Variants in C8orf89 observed in about 807,000 individuals in gnomAD.
The protein encoded by C8orf89 is chromosome 8 open reading frame 89, also known as putative uncharacterized protein C8orf89.
Under a neutral mutation model 15.8 loss-of-function variants are expected in C8orf89, and 14 were observed. That is an observed-to-expected ratio of 0.89 (90% CI 0.59 to 1.39). C8orf89 has a LOEUF of 1.39. C8orf89 is among the 40% of genes most tolerant of loss of function. The pLI is 0.00. For synonymous variants in C8orf89, 55 were observed against 62.2 expected (o/e 0.88, Z 0.54); for missense variants, 181 against 184.5 (o/e 0.98, Z 0.11).
At chr8:73,265,579 C>T in the C8orf89 span, among the ~76,000 whole-genome samples, 1,421 of 152,278 alleles carry the variant, frequency 9.3e-3, 15 homozygotes, top group African/African-American at 0.032. Flanking sequence ...GGCAATGACA[C>T]AGAGGTATCA....
At chr8:73,273,645 G>T in the C8orf89 span, among the ~76,000 whole-genome samples, 2 of 152,146 alleles carry the variant, frequency 1.3e-5, no homozygotes, top group Non-Finnish European at 2.9e-5. Context: ...GTGGAAAGAG[G>T]CGGTCCCCAG....
the C8orf89 span, among the ~76,000 whole-genome samples, chr8:73,272,686 T>G: frequency 2.6e-5 from 4 of 152,014 alleles, no homozygotes; most frequent in Non-Finnish European, 4.4e-5. Flanking sequence ...TTCCCACCTA[T>G]GAGTGAGAAC....
chr8:73,256,129 CAAAT>C (rs1164037286), intron 2 of C8orf89, among the ~76,000 whole-genome samples: 1 of 136,816 alleles, frequency 7.3e-6, no homozygotes, highest in Admixed American at 7.0e-5. Flanking sequence ...AAATAAATAA[CAAAT>C]AATAATAATA....
intron 2 of C8orf89, among the ~76,000 whole-genome samples, chr8:73,252,478 AC>A (rs1169909368): frequency 6.6e-6 from 1 of 152,220 alleles, no homozygotes; most frequent in Non-Finnish European, 1.5e-5. Flanking sequence ...GAATATCCAA[AC>A]AATAAAAATG....
intron 3 of C8orf89, among the ~76,000 whole-genome samples, chr8:73,247,449 T>C (rs967893346): frequency 6.6e-6 from 1 of 152,328 alleles, no homozygotes. Context: ...GTCCTTTGGG[T>C]ACATACCCAG....
intron 3 of C8orf89, among the ~76,000 whole-genome samples, chr8:73,245,919 G>T (rs1813112650): frequency 6.6e-6 from 1 of 152,022 alleles, no homozygotes; most frequent in Admixed American, 6.6e-5. Context: ...CCAATTTTAG[G>T]TCGTATCCTT....
chr8:73,256,254 C>G (rs918114299), intron 2 of C8orf89, among the ~76,000 whole-genome samples: 13 of 152,058 alleles, frequency 8.5e-5, no homozygotes, highest in Non-Finnish European at 1.8e-4. Context: ...AGGCCAACAT[C>G]TCATTCAGAA....
the C8orf89 span, among the ~76,000 whole-genome samples, chr8:73,285,328 AGGCG>A: frequency 6.6e-6 from 1 of 152,200 alleles, no homozygotes; most frequent in Admixed American, 6.5e-5. Context: ...CAGATCCGGC[AGGCG>A]GACCCGCTTC....
At chr8:73,250,660 C>A (rs913013031) in intron 2 of C8orf89, among the ~76,000 whole-genome samples, 2 of 152,128 alleles carry the variant, frequency 1.3e-5, no homozygotes, top group African/African-American at 2.4e-5. Context: ...ACACTTTTTA[C>A]CTATCAATCA....
the C8orf89 span, among the ~76,000 whole-genome samples, chr8:73,269,082 A>T: frequency 4.6e-5 from 7 of 152,234 alleles, no homozygotes; most frequent in Non-Finnish European, 1.0e-4. Flanking sequence ...TGTGGGGATC[A>T]AGTATCCAGC....
At chr8:73,269,670 G>T in the C8orf89 span, among the ~76,000 whole-genome samples, 1 of 152,158 alleles carries the variant, frequency 6.6e-6, no homozygotes, top group African/African-American at 2.4e-5. Flanking sequence ...CAGCATTCCT[G>T]CAGGCTGTGC....
upstream of C8orf89, among the ~76,000 whole-genome samples, chr8:73,264,377 G>T (rs906347994): frequency 3.9e-5 from 6 of 152,182 alleles, no homozygotes; most frequent in African/African-American, 1.4e-4. Flanking sequence ...ATACATTTTA[G>T]TGAGCAGATG....
In C8orf89 at chr8:73,241,352, TTAC is replaced by T; in HGVS notation, c.*102_*104del. ...TCTATAATGTAAAATATTTATTTAT[TTAC>T]ATTTCCATTTTTATATAAATCATTT... On this transcript the variant is annotated 3_prime_UTR_variant, in exon 4 of 4. Transcript: ENST00000624510. 30 of 919,522 alleles carry T rather than the reference TTAC, an allele frequency of 3.3e-5. No individual in the cohort carries two copies. The highest frequency in any genetic ancestry group is 4.1e-5 in the South Asian group (1 of 24,178). The allele number at this position is 919,522 out of a possible 1,614,324, so 57.0% of individuals were successfully genotyped here.
the C8orf89 span, among the ~76,000 whole-genome samples, chr8:73,272,734 T>C: frequency 1.3e-5 from 2 of 152,202 alleles, no homozygotes; most frequent in Non-Finnish European, 2.9e-5. Flanking sequence ...GATAGTTTGC[T>C]GAGAATGATG....
At chr8:73,283,515 G>T in the C8orf89 span, among the ~76,000 whole-genome samples, 5 of 152,278 alleles carry the variant, frequency 3.3e-5, no homozygotes, top group East Asian at 1.9e-4. Context: ...TAAAATGCAT[G>T]TGAAGTGTTC....
chr8:73,254,498 G>A (rs925672893), intron 2 of C8orf89, among the ~76,000 whole-genome samples: 2 of 152,160 alleles, frequency 1.3e-5, no homozygotes, highest in Non-Finnish European at 2.9e-5. Flanking sequence ...AGGGAATGAG[G>A]CCTCCTCTAT....
intron 2 of C8orf89, among the ~76,000 whole-genome samples, chr8:73,250,810 A>G (rs1177001199): frequency 1.3e-5 from 2 of 152,080 alleles, no homozygotes; most frequent in African/African-American, 2.4e-5. Flanking sequence ...TCTTGTAACA[A>G]TATTTTTTTT....
At chr8:73,276,401 C>T in the C8orf89 span, among the ~76,000 whole-genome samples, 11 of 152,168 alleles carry the variant, frequency 7.2e-5, no homozygotes, top group South Asian at 2.1e-4. Flanking sequence ...TATTCTTGAA[C>T]GCCTGACCTC....
chr8:73,280,687 A>G, the C8orf89 span, among the ~76,000 whole-genome samples: 1 of 151,614 alleles, frequency 6.6e-6, no homozygotes, highest in African/African-American at 2.4e-5. Flanking sequence ...AATTTATTTT[A>G]TATATACACA....
Sources: allele counts gnomAD v4.1 joint callset (sites outside exome capture counted in the v4.1 genomes callset), GRCh38; gene constraint gnomAD v4.1.1; transcripts MANE v1.5; gene names NCBI Gene and HGNC (gene_info 2026-07-23, HGNC 2026-07-21).